Variants in NIPBL observed in about 807,000 individuals in gnomAD.
NIPBL encodes the protein nipped-B-like protein.
A neutral mutation model predicts 321.8 loss-of-function variants in NIPBL; 19 were observed. The ratio of observed to expected loss-of-function variants is 0.06; its 90% CI spans 0.04 to 0.09. NIPBL has a LOEUF of 0.09. Ranked by LOEUF, NIPBL falls within the 10% of genes least tolerant of loss-of-function variation. The pLI is 1.00. For synonymous variants in NIPBL, 1,106 were observed against 1,114.1 expected (o/e 0.99, Z 0.14); for missense variants, 2,210 against 3,327.0 (o/e 0.66, Z 8.26).
At position 36,984,758 on chromosome 5, in the gene NIPBL, G is replaced by C; in HGVS notation, c.1578G>C (p.Gln526His). 1 of 1,613,800 alleles carries C rather than the reference G, an allele frequency of 6.2e-7. No homozygotes were observed. The highest frequency in any genetic ancestry group is 8.5e-7 in the Non-Finnish European group (1 of 1,179,800). The change falls in exon 10 of 47, where the codon CAG (glutamine) becomes CAC (histidine). Residue 526 changes from glutamine (Q) to histidine (H), a missense_variant. By Grantham distance (24) the Gln-to-His change is conservative. This residue lies in a region of NIPBL where 588 missense variants were observed against 564.1 expected (regional missense o/e 1.04). Transcript: ENST00000282516. ...GATGGNRPAS[Q>H]ETGSTGNGSR... is the part of the protein sequence containing the mutation. ...CAGGAGGTAATAGACCAGCTTCTCAGGAGACGGGTTCTACGGGAAATGGGT... is the reference window on the plus strand; with the variant it reads ...CAGGAGGTAATAGACCAGCTTCTCACGAGACGGGTTCTACGGGAAATGGGT...
intron 3 of NIPBL, among the ~76,000 whole-genome samples, chr5:36,955,932 A>G (rs970896325): frequency 6.6e-6 from 1 of 151,886 alleles, no homozygotes; most frequent in African/African-American, 2.4e-5. Flanking sequence ...TCATGAAACT[A>G]TATCCCTGTC....
At chr5:36,878,024 A>G (rs754248513) in intron 1 of NIPBL, among the ~76,000 whole-genome samples, 6 of 152,234 alleles carry the variant, frequency 3.9e-5, no homozygotes, top group South Asian at 2.1e-4. Flanking sequence ...TTAAGCGACT[A>G]TACGTAAAAC....
In NIPBL at chr5:36,962,177, T is replaced by C; in HGVS notation, c.513T>C (p.Asn171=). The change falls in exon 6 of 47, where the codon AAT becomes AAC. Residue 171 remains asparagine (N), a synonymous_variant. Coordinates refer to ENST00000282516, the MANE Select transcript of NIPBL (RefSeq NM_133433.4). ...GGAACAGATTTATGCCACAGCAAAA[T>C]AGCCCAGTGCCTAGTCCATACGCCC... ...SSGNRFMPQQ[N]SPVPSPYAPQ... is the part of the protein sequence containing the mutation. 6.2e-7 allele frequency: 1 copy of C among 1,614,124 alleles called. No homozygotes were observed. Among genetic ancestry groups the C allele is most frequent in the Non-Finnish European group, 8.5e-7 (1 of 1,179,994 alleles).
At position 37,000,355 on chromosome 5, in the gene NIPBL, A is replaced by G. The variant is rs748454721; in HGVS notation, c.3305-18A>G. 2.7e-5 allele frequency: 43 copies of G among 1,609,476 alleles called. No homozygotes were observed. In the Admixed American group the frequency reaches 6.7e-4, roughly 25 times the overall value. On this transcript the variant is annotated intron_variant, in intron 11 of 46. Transcript: ENST00000282516. ...TTTTAAATGAGGTAAATTATTTGTC[A>G]TGGGGATTTGCTTCTAGCCTCTAGG...
chr5:36,941,041 T>A (rs1048637131), intron 1 of NIPBL, among the ~76,000 whole-genome samples: 3 of 152,172 alleles, frequency 2.0e-5, no homozygotes, highest in Non-Finnish European at 4.4e-5. Flanking sequence ...AGGTGTTAGG[T>A]ATTAAGTGCA....
At chr5:37,028,333 C>CT (rs10676635) in intron 32 of NIPBL, among the ~76,000 whole-genome samples, 3,330 of 102,502 alleles carry the variant, frequency 0.032, 200 homozygotes, top group East Asian at 0.086. Flanking sequence ...TTCCATAATA[C>CT]TTTTTTTTTT....
At chr5:36,986,327 T>C in intron 10 of NIPBL, 26 bp downstream of exon 10, 2 of 1,392,272 alleles carry the variant, frequency 1.4e-6, no homozygotes, top group Non-Finnish European at 1.9e-6. Context: ...CTGATGTCAT[T>C]TATAATATAA....
intron 1 of NIPBL, among the ~76,000 whole-genome samples, chr5:36,925,835 C>T (rs1052298040): frequency 2.0e-5 from 3 of 152,182 alleles, no homozygotes; most frequent in African/African-American, 7.2e-5. Flanking sequence ...ACATTTCCTG[C>T]TTTCCATTCT....
intron 24 of NIPBL, among the ~76,000 whole-genome samples, chr5:37,017,966 A>C (rs1749181715): frequency 6.6e-6 from 1 of 152,072 alleles, no homozygotes; most frequent in Non-Finnish European, 1.5e-5. Context: ...TTTTGTTTCG[A>C]ACCACTTGAA....
In NIPBL at chr5:37,038,545, A is replaced by G. The variant is rs1341115690; in HGVS notation, c.5972-57A>G. ...TTAAGTAATTTAAATAATATTCTGT[A>G]TAGTTTCCACTACCTTGTCATATTT... On this transcript the variant is annotated intron_variant, in intron 33 of 46. Coordinates refer to ENST00000282516, the MANE Select transcript of NIPBL (RefSeq NM_133433.4). The G allele has an allele frequency of 6.0e-6, 9 of 1,500,504 alleles. No individual in the cohort carries two copies. The East Asian group carries it at 6.8e-5, about 11-fold the overall frequency. The allele number at this position is 1,500,504 out of a possible 1,614,324, so 92.9% of individuals were successfully genotyped here.
intron 1 of NIPBL, among the ~76,000 whole-genome samples, chr5:36,896,578 T>A (rs1366012371): frequency 6.6e-6 from 1 of 152,178 alleles, no homozygotes; most frequent in Non-Finnish European, 1.5e-5. Context: ...TCCATTTTTT[T>A]AAAGCCCTAA....
chr5:36,886,461 G>C, intron 1 of NIPBL: 1 of 753,970 alleles, frequency 1.3e-6, no homozygotes, highest in Non-Finnish European at 2.4e-6. Context: ...GCAGAGTGGT[G>C]TCTGAGACCA....
At chr5:37,028,183 T>C (rs1327805866) in intron 32 of NIPBL, among the ~76,000 whole-genome samples, 1 of 152,042 alleles carries the variant, frequency 6.6e-6, no homozygotes, top group Non-Finnish European at 1.5e-5. Flanking sequence ...TATGAATTGT[T>C]AAATTTTTTA....
chr5:37,010,177 A>G lies in NIPBL; in HGVS notation c.4512A>G (p.Leu1504=). The change falls in exon 21 of 47, where the codon TTA becomes TTG. Residue 1504 remains leucine (L), a synonymous_variant. Coordinates refer to ENST00000282516, the MANE Select transcript of NIPBL (RefSeq NM_133433.4). ...AACTTATTCAGTGTGTGGTACACTT[A>G]CCATCATCAGAGAAGGACTCTAATG... ...VLQLIQCVVH[L]PSSEKDSNAE... is the part of the protein sequence containing the mutation. 1 of 1,611,378 alleles carries G rather than the reference A, an allele frequency of 6.2e-7. No individual in the cohort carries two copies. The highest frequency in any genetic ancestry group is 8.5e-7 in the Non-Finnish European group (1 of 1,177,612).
chr5:36,979,722 C>T (rs1397509563), intron 9 of NIPBL, among the ~76,000 whole-genome samples: 1 of 151,540 alleles, frequency 6.6e-6, no homozygotes, highest in East Asian at 1.9e-4. Flanking sequence ...ATATAGGTTC[C>T]AAATTATATC....
intron 36 of NIPBL, 109 bp from the exon 37 acceptor site, chr5:37,045,334 A>G (rs1286374071): frequency 2.6e-6 from 2 of 778,654 alleles, no homozygotes; most frequent in Non-Finnish European, 4.1e-6. Context: ...AGCCTGGGTG[A>G]CAGTGAGACT....
chr5:36,898,158 CTTA>C (rs1260798497), intron 1 of NIPBL, among the ~76,000 whole-genome samples: 1 of 152,046 alleles, frequency 6.6e-6, no homozygotes, highest in Non-Finnish European at 1.5e-5. Flanking sequence ...ATCTAGCTAG[CTTA>C]TTATGTATTT....
At position 36,976,311 on chromosome 5, in the gene NIPBL, A is replaced by G; in HGVS notation, c.1404A>G (p.Glu468=). The change falls in exon 9 of 47, where the codon GAA becomes GAG. Residue 468 remains glutamate (E), a synonymous_variant. Transcript: ENST00000282516. The part of the protein sequence containing the change: ...QISQQGPIYD[E]VELDALAEIE... The stretch of plus-strand genomic sequence containing the variant: ...CACAACAGGGACCTATATATGATGA[A>G]GTGGAATTGGATGCATTGGCTGAAA... 1 of 1,613,562 alleles carries G rather than the reference A, an allele frequency of 6.2e-7. No individual in the cohort carries two copies. Among genetic ancestry groups the G allele is most frequent in the Non-Finnish European group, 8.5e-7 (1 of 1,179,834 alleles).
chr5:36,976,329 G>A lies in NIPBL; in HGVS notation c.1422G>A (p.Leu474=). 1 of 1,613,140 alleles carries A rather than the reference G, an allele frequency of 6.2e-7. No homozygotes were observed. Reference sequence around the variant, plus strand: ...ATGATGAAGTGGAATTGGATGCATTGGCTGAAATTGAGCGAATAGAGAGAG... The same window carrying A: ...ATGATGAAGTGGAATTGGATGCATTAGCTGAAATTGAGCGAATAGAGAGAG... ...PIYDEVELDA[L]AEIERIERES... is the part of the protein sequence containing the mutation. Residue 474 remains leucine, a synonymous_variant, in exon 9 of 47, where the codon TTG becomes TTA. Transcript: ENST00000282516.
Sources: gnomAD v4.1 joint callset for allele counts (sites outside exome capture counted in the v4.1 genomes callset) on GRCh38, gnomAD v4.1.1 for gene constraint, gnomAD v4.1.1 regional missense constraint, MANE v1.5 for transcripts, NCBI Gene and HGNC (gene_info 2026-07-23, HGNC 2026-07-21) for gene names.